TSHZ2: variants seen among roughly 807,000 people sequenced by gnomAD.
TSHZ2 encodes the protein teashirt homolog 2.
TSHZ2 carries 21 observed loss-of-function variants against 74.4 expected under a neutral mutation model. The observed-to-expected ratio is 0.28, with a 90% CI of 0.20 to 0.41. TSHZ2 has a LOEUF of 0.41. TSHZ2 is among the 10% of genes least tolerant of loss of function. The pLI is 1.00. For missense variants in TSHZ2, 1,244 were observed against 1,293.5 expected, an observed-to-expected ratio of 0.96 and a Z score of 0.59; for synonymous variants, 540 against 515.3, an observed-to-expected ratio of 1.05 and a Z score of -0.65.
chr20:53,211,630 G>A (rs918898191), intron 1 of TSHZ2, among the ~76,000 whole-genome samples: 1 of 152,162 alleles, frequency 6.6e-6, no homozygotes, highest in Non-Finnish European at 1.5e-5. Flanking sequence ...TGGGAGGATC[G>A]CTTGAGCCAG....
intron 2 of TSHZ2, among the ~76,000 whole-genome samples, chr20:53,481,736 G>T (rs969477798): frequency 1.3e-5 from 2 of 152,096 alleles, no homozygotes; most frequent in African/African-American, 4.8e-5. Context: ...GGATCCAGGA[G>T]ACTTCTCCAA....
chr20:53,489,954 T>C lies in TSHZ2; in HGVS notation c.*2819T>C, dbSNP rs941889271. 1 of 152,236 alleles carries C rather than the reference T, an allele frequency of 6.6e-6. No individual in the cohort carries two copies. Among genetic ancestry groups the C allele is most frequent in the African/African-American group, 2.4e-5 (1 of 41,468 alleles). The allele number at this position is 152,236 out of a possible 1,614,324, so 9.4% of individuals were successfully genotyped here. On this transcript the variant is annotated 3_prime_UTR_variant, in exon 3 of 3. Transcript: ENST00000371497. ...TCTTTACCCACCTTCATACCACTGC[T>C]TTCTTTTTGCTGAATAAAACACAGT...
At chr20:53,143,532 A>C (rs1184422476) in intron 1 of TSHZ2, among the ~76,000 whole-genome samples, 2 of 152,104 alleles carry the variant, frequency 1.3e-5, no homozygotes, top group Non-Finnish European at 2.9e-5. Flanking sequence ...TCTCTACTAA[A>C]AATACAAAAA....
At chr20:53,475,747 T>C (rs1186586471) in intron 2 of TSHZ2, among the ~76,000 whole-genome samples, 1 of 140,398 alleles carries the variant, frequency 7.1e-6, no homozygotes, top group African/African-American at 2.8e-5. Flanking sequence ...ATCAACAAAA[T>C]TGATAGACCA....
Position 53,492,801 on chromosome 20 carries a change from G to C in TSHZ2, c.*5666G>C, listed in dbSNP as rs1024252139. On this transcript the variant is annotated 3_prime_UTR_variant, in exon 3 of 3. Coordinates refer to ENST00000371497, the MANE Select transcript of TSHZ2 (RefSeq NM_173485.6). ...TTTTAATTTCTTTTAGAAAGGGCAG[G>C]GGGGAAGTGGGTCAGAGCAAGGTTC... 2.0e-5 allele frequency: 3 copies of C among 152,082 alleles called. No homozygotes were observed. The highest frequency in any genetic ancestry group is 2.9e-5 in the Non-Finnish European group (2 of 68,018). 9.4% of individuals were successfully genotyped at this position (152,082 alleles called of 1,614,324 possible).
At chr20:53,376,751 C>T (rs770500391) in intron 2 of TSHZ2, among the ~76,000 whole-genome samples, 8 of 152,208 alleles carry the variant, frequency 5.3e-5, no homozygotes, top group Non-Finnish European at 8.8e-5. Flanking sequence ...CCACCCTATG[C>T]GACTAATCTG....
At chr20:53,412,278 A>G (rs1395417313) in intron 2 of TSHZ2, among the ~76,000 whole-genome samples, 1 of 152,182 alleles carries the variant, frequency 6.6e-6, no homozygotes, top group Admixed American at 6.5e-5. Flanking sequence ...GCCTGCTGAC[A>G]ATAGCTTCAG....
chr20:53,220,307 T>C (rs1281640455), intron 1 of TSHZ2, among the ~76,000 whole-genome samples: 14 of 152,198 alleles, frequency 9.2e-5, no homozygotes, highest in Non-Finnish European at 1.5e-5. Flanking sequence ...CTAAGTCACA[T>C]ACATACACAC....
chr20:53,249,500 G>A (rs1267059566), intron 1 of TSHZ2, among the ~76,000 whole-genome samples: 2 of 152,204 alleles, frequency 1.3e-5, no homozygotes, highest in Non-Finnish European at 2.9e-5. Flanking sequence ...TCAGGCAGTA[G>A]GGTGATGTGA....
intron 1 of TSHZ2, among the ~76,000 whole-genome samples, chr20:53,101,928 T>A (rs1289688240): frequency 6.6e-6 from 1 of 150,964 alleles, no homozygotes; most frequent in Non-Finnish European, 1.5e-5. Flanking sequence ...TTAAAATCAC[T>A]TTTTTGGGGA....
chr20:53,158,452 G>A (rs951379275), intron 1 of TSHZ2, among the ~76,000 whole-genome samples: 4 of 147,368 alleles, frequency 2.7e-5, no homozygotes, highest in Admixed American at 6.6e-5. Flanking sequence ...GGCTGTGGCT[G>A]GGCTGATAGT....
chr20:53,129,405 T>C (rs775744788), intron 1 of TSHZ2, among the ~76,000 whole-genome samples: 8 of 152,136 alleles, frequency 5.3e-5, no homozygotes, highest in Admixed American at 1.3e-4. Flanking sequence ...GCATTAAAAA[T>C]TCATGTTTAT....
At chr20:53,248,476 C>T (rs893744891) in intron 1 of TSHZ2, among the ~76,000 whole-genome samples, 1 of 152,112 alleles carries the variant, frequency 6.6e-6, no homozygotes, top group African/African-American at 2.4e-5. Flanking sequence ...ACAAATGCAG[C>T]ATATAAAATA....
At chr20:53,058,807 C>G (rs1361547702) in intron 1 of TSHZ2, among the ~76,000 whole-genome samples, 1 of 152,242 alleles carries the variant, frequency 6.6e-6, no homozygotes, top group Non-Finnish European at 1.5e-5. Context: ...AGGACAGATG[C>G]AGAGATCCAG....
chr20:53,124,285 A>G (rs1345776872), intron 1 of TSHZ2, among the ~76,000 whole-genome samples: 1 of 152,232 alleles, frequency 6.6e-6, no homozygotes, highest in Non-Finnish European at 1.5e-5. Flanking sequence ...GCATGTCTGC[A>G]ATCAGGCTTC....
chr20:53,475,204 C>T (rs1435031718), intron 2 of TSHZ2, among the ~76,000 whole-genome samples: 1 of 129,966 alleles, frequency 7.7e-6, no homozygotes, highest in African/African-American at 3.1e-5. Context: ...ACAGAATATA[C>T]ATTTTTTTCA....
chr20:53,333,612 C>T (rs1416847933), intron 2 of TSHZ2, among the ~76,000 whole-genome samples: 10 of 152,274 alleles, frequency 6.6e-5, no homozygotes, highest in South Asian at 2.1e-4. Flanking sequence ...CCCACCACCA[C>T]GCCTGGCTAA....
intron 2 of TSHZ2, among the ~76,000 whole-genome samples, chr20:53,264,784 G>A (rs1365539309): frequency 6.6e-6 from 1 of 152,150 alleles, no homozygotes; most frequent in African/African-American, 2.4e-5. Flanking sequence ...TGCTCTACAG[G>A]GAGCACTCAC....
At chr20:53,170,941 G>A (rs1482214706) in intron 1 of TSHZ2, among the ~76,000 whole-genome samples, 42 of 138,974 alleles carry the variant, frequency 3.0e-4, no homozygotes, top group Non-Finnish European at 5.0e-4. Context: ...AAAATGAAAA[G>A]AAAAAAAGTA....
Sources: gnomAD v4.1 joint callset for allele counts (sites outside exome capture counted in the v4.1 genomes callset) on GRCh38, gnomAD v4.1.1 for gene constraint, MANE v1.5 for transcripts, NCBI Gene and HGNC (gene_info 2026-07-23, HGNC 2026-07-21) for gene names.